Variants in OCA2 observed in about 807,000 individuals in gnomAD.
The protein encoded by OCA2 is P protein.
Under a neutral mutation model 100.2 loss-of-function variants are expected in OCA2, and 77 were observed. The observed-to-expected ratio is 0.77, with a 90% CI of 0.64 to 0.93. OCA2 has a LOEUF of 0.93. Among genes scored for constraint, OCA2 ranks in the 40% least tolerant of loss-of-function variants. The pLI, the probability that OCA2 is intolerant of heterozygous loss-of-function variation, is 0.00. For missense variants in OCA2, 1,062 were observed against 1,089.1 expected (o/e 0.98, Z 0.35); for synonymous variants, 432 against 439.2 (o/e 0.98, Z 0.21).
chr15:28,098,152 G>T (rs938855126), intron 1 of OCA2, among the ~76,000 whole-genome samples: 2 of 152,212 alleles, frequency 1.3e-5, no homozygotes, highest in East Asian at 3.8e-4. Context: ...AAACTTTAGG[G>T]ACTTATGATC....
At chr15:27,727,024 T>A in the OCA2 span, among the ~76,000 whole-genome samples, 2 of 152,196 alleles carry the variant, frequency 1.3e-5, no homozygotes, top group Admixed American at 6.5e-5. Context: ...GGAAAGCTTG[T>A]GATGCGAGTT....
Position 27,985,059 on chromosome 15 carries a change from C to A in OCA2, c.1364+5G>T. ...CAACTCCCACGGCAGAGGTGCTTTG[C>A]GTACCTTATGGTCACAGGCGTGAAG... On this transcript the variant is annotated splice_donor_5th_base_variant and intron_variant, in intron 13 of 23. Coordinates refer to ENST00000354638, the MANE Select transcript of OCA2 (RefSeq NM_000275.3). The A allele has an allele frequency of 3.1e-6, 5 of 1,613,772 alleles. No homozygotes were observed. The highest frequency in any genetic ancestry group is 2.2e-5 in the South Asian group (2 of 91,058).
At chr15:27,771,349 G>A (rs1333992103) in intron 23 of OCA2, among the ~76,000 whole-genome samples, 9 of 151,346 alleles carry the variant, frequency 5.9e-5, no homozygotes, top group Admixed American at 5.3e-4. Context: ...GAGAGGACGG[G>A]CCCTGCCTGC....
intron 2 of OCA2, among the ~76,000 whole-genome samples, chr15:28,072,280 A>C (rs1358094959): frequency 6.6e-6 from 1 of 150,848 alleles, no homozygotes; most frequent in Non-Finnish European, 1.5e-5. Flanking sequence ...CATCTCCACC[A>C]CACTGACTAT....
In OCA2 at chr15:28,073,854, AG is replaced by A. The variant is rs558899137; in HGVS notation, c.227+7793del. The stretch of plus-strand genomic sequence containing the variant: ...GATGAAAAACAGATCAGTGATTTCC[AG>A]GGGTTAAAGATGGCAGGGGGAGGGG... On this transcript the variant is annotated intron_variant, in intron 2 of 23. Transcript: ENST00000354638. 1.2e-4 allele frequency among the ~76,000 whole-genome samples: 18 copies of A among 152,304 alleles called. No homozygotes were observed. In the South Asian group the frequency reaches 3.7e-3, roughly 32 times the overall value.
At chr15:28,032,577 A>G (rs988300462) in intron 2 of OCA2, among the ~76,000 whole-genome samples, 2 of 151,874 alleles carry the variant, frequency 1.3e-5, no homozygotes, top group Non-Finnish European at 2.9e-5. Flanking sequence ...CAAGGTCAGG[A>G]GTTCAAGACC....
In OCA2 at chr15:27,851,397, C is replaced by G. The variant is rs774822330; in HGVS notation, c.2323G>C (p.Gly775Arg). The change falls in exon 22 of 24, where the codon GGT becomes CGT. Residue 775 changes from glycine to arginine, a missense_variant. Gly to Arg is a moderately radical substitution (Grantham distance 125, BLOSUM62 -2). Transcript: ENST00000354638. ...APPLMYALAF[G>R]ACLGGNGTLI... Reference sequence around the variant, plus strand: ...AGCCCCTTACCTCCCAGGCAAGCACCGAAGGCCAGGGCATACATGAGCGGC... The same window carrying G: ...AGCCCCTTACCTCCCAGGCAAGCACGGAAGGCCAGGGCATACATGAGCGGC... The G allele has an allele frequency of 3.7e-6, 6 of 1,613,792 alleles. No homozygotes were observed. Among genetic ancestry groups the G allele is most frequent in the African/African-American group, 1.3e-5 (1 of 74,922 alleles).
chr15:27,815,567 C>G (rs1232282579), intron 23 of OCA2, among the ~76,000 whole-genome samples: 1 of 152,108 alleles, frequency 6.6e-6, no homozygotes, highest in Non-Finnish European at 1.5e-5. Flanking sequence ...AATTAAATAG[C>G]CAAGAACCCC....
chr15:27,902,202 AAGT>A (rs199607606), intron 19 of OCA2, among the ~76,000 whole-genome samples: 38,864 of 144,110 alleles, frequency 0.27, 5,831 homozygotes, highest in East Asian at 0.56. Context: ...CATGAAAAAA[AAGT>A]TGTTGTTGTT....
At chr15:27,886,517 T>G (rs2037229911) in intron 19 of OCA2, among the ~76,000 whole-genome samples, 1 of 152,182 alleles carries the variant, frequency 6.6e-6, no homozygotes, top group African/African-American at 2.4e-5. Context: ...ATTAAGAGAA[T>G]GCAACTATTA....
At chr15:27,737,722 T>C in the OCA2 span, among the ~76,000 whole-genome samples, 4 of 152,298 alleles carry the variant, frequency 2.6e-5, no homozygotes, top group African/African-American at 9.6e-5. Flanking sequence ...GCACTAATCA[T>C]AAGAAGAAAG....
intron 23 of OCA2, among the ~76,000 whole-genome samples, chr15:27,790,679 T>C (rs2033038694): frequency 6.6e-6 from 1 of 152,192 alleles, no homozygotes; most frequent in South Asian, 2.1e-4. Flanking sequence ...ATATTCTATG[T>C]CTCAGTTGAG....
At chr15:27,824,081 C>G (rs969613416) in intron 23 of OCA2, among the ~76,000 whole-genome samples, 1 of 152,152 alleles carries the variant, frequency 6.6e-6, no homozygotes, top group Non-Finnish European at 1.5e-5. Flanking sequence ...CCCTATGCAG[C>G]CTTTGGCCAG....
At chr15:28,005,056 C>A (rs1287172844) in intron 9 of OCA2, among the ~76,000 whole-genome samples, 1 of 152,164 alleles carries the variant, frequency 6.6e-6, no homozygotes, top group Non-Finnish European at 1.5e-5. Flanking sequence ...GGCCTCGCCT[C>A]GCACTGCCCC....
intron 23 of OCA2, among the ~76,000 whole-genome samples, chr15:27,841,962 T>C (rs2035358136): frequency 6.6e-6 from 1 of 152,256 alleles, no homozygotes; most frequent in Admixed American, 6.5e-5. Flanking sequence ...TCAATATTTA[T>C]CTGGATTCTT....
At chr15:27,854,270 T>C (rs1422326805) in intron 21 of OCA2, among the ~76,000 whole-genome samples, 1 of 152,118 alleles carries the variant, frequency 6.6e-6, no homozygotes, top group Non-Finnish European at 1.5e-5. Flanking sequence ...GGGGAGGACA[T>C]GTGGAGCAGG....
At position 27,972,863 on chromosome 15, in the gene OCA2, A is replaced by C. The variant is rs1382111936; in HGVS notation, c.1504-6041T>G. ...ATTTTATTTTATTTTATTTTATTTT[A>C]TTTTATTTTATTTTATTTTTGTGAC... On this transcript the variant is annotated intron_variant, in intron 14 of 23. Coordinates refer to ENST00000354638, the MANE Select transcript of OCA2 (RefSeq NM_000275.3). Among the ~76,000 whole-genome samples, 19 of 43,064 alleles carry C rather than the reference A, an allele frequency of 4.4e-4. 1 individual carries two copies. The highest frequency in any genetic ancestry group is 8.3e-4 in the African/African-American group (19 of 22,886). The allele number at this position is 43,064 out of a possible 152,430, so 28.3% of individuals were successfully genotyped here.
intron 19 of OCA2, among the ~76,000 whole-genome samples, chr15:27,917,911 A>C (rs923629763): frequency 9.2e-5 from 14 of 152,180 alleles, no homozygotes; most frequent in Middle Eastern, 3.4e-3. Flanking sequence ...GGGGAAGGCA[A>C]GCATCTGAAC....
chr15:27,814,158 T>C (rs2034186745), intron 23 of OCA2, among the ~76,000 whole-genome samples: 1 of 152,168 alleles, frequency 6.6e-6, no homozygotes, highest in Non-Finnish European at 1.5e-5. Context: ...TCTATTTAAC[T>C]ATGTATTTGT....
Sources: gnomAD v4.1 joint callset for allele counts (sites outside exome capture counted in the v4.1 genomes callset) on GRCh38, gnomAD v4.1.1 for gene constraint, MANE v1.5 for transcripts, NCBI Gene and HGNC (gene_info 2026-07-23, HGNC 2026-07-21) for gene names.